The following GAK variants were observed in gnomAD, a reference collection of about 807,000 sequenced individuals.
GAK encodes cyclin G associated kinase.
GAK carries 79 observed loss-of-function variants against 143.9 expected under a neutral mutation model. That is an observed-to-expected ratio of 0.55 (90% CI 0.46 to 0.66). GAK has a LOEUF of 0.66. Among genes scored for constraint, GAK ranks in the 30% least tolerant of loss-of-function variants. The pLI, the probability that GAK is intolerant of heterozygous loss-of-function variation, is 0.00. For missense variants in GAK, 1,693 were observed against 1,779.7 expected (o/e 0.95, Z 0.88); for synonymous variants, 881 against 765.5 (o/e 1.15, Z -2.49).
At chr4:903,276 G>A (rs528242946) in intron 5 of GAK, among the ~76,000 whole-genome samples, 64 of 151,924 alleles carry the variant, frequency 4.2e-4, no homozygotes, top group Non-Finnish European at 8.8e-4. Context: ...CGCCAACCCC[G>A]GGATGCCACG....
chr4:868,131 C>T (rs1476961605), intron 20 of GAK, among the ~76,000 whole-genome samples: 3 of 144,492 alleles, frequency 2.1e-5, no homozygotes, highest in African/African-American at 5.1e-5. Flanking sequence ...CCTGAAAAGC[C>T]TCAGAGGGGC....
At chr4:892,164 CCTT>C (rs1162299131) in intron 9 of GAK, among the ~76,000 whole-genome samples, 3 of 152,196 alleles carry the variant, frequency 2.0e-5, no homozygotes, top group Non-Finnish European at 4.4e-5. Context: ...GCAGCTCTGA[CCTT>C]CTCCCCACGC....
chr4:870,788 T>A lies in GAK; in HGVS notation c.2171A>T (p.Asn724Ile), dbSNP rs750395612. ...GGGGTTCAGCCCCCTCATGCTCGAG[T>A]TCTCCCATGGTGGGGCTTCCCGGCT... ...RPSREAPPWENSSMRGLNPKI... is the reference protein window; with the variant it reads ...RPSREAPPWEISSMRGLNPKI... Residue 724 changes from asparagine (N) to isoleucine (I), a missense_variant, in exon 19 of 28, where the codon AAC becomes ATC. By Grantham distance (149) the Asn-to-Ile change is moderately radical (BLOSUM62 -3). Around this residue, in one of 2 missense-constraint regions of GAK, gnomAD observed 822 missense variants for 788.7 expected, o/e 1.04. Transcript: ENST00000314167. The A allele has an allele frequency of 1.9e-6, 3 of 1,613,962 alleles. No individual in the cohort carries two copies. In the Admixed American group the frequency reaches 5.0e-5, roughly 27 times the overall value.
chr4:880,160 C>G (rs1390608429), intron 15 of GAK, among the ~76,000 whole-genome samples: 1 of 151,526 alleles, frequency 6.6e-6, no homozygotes, highest in East Asian at 1.9e-4. Context: ...ATGTGGACCA[C>G]TGGACCATGC....
In GAK at chr4:867,301, G is replaced by A. The variant is rs370884471; in HGVS notation, c.2527C>T (p.Pro843Ser). The part of the protein sequence containing the change: ...GSPISSEGQE[P>S]RADPEPPGLA... ...CCGGGGGGCTCTGGGTCGGCCCTGG[G>A]TTCCTGGCCCTCGCTGGAGATCGGG... Residue 843 changes from proline (P) to serine (S), a missense_variant, in exon 21 of 28, where the codon CCC (proline) becomes TCC (serine). By Grantham distance (74) the Pro-to-Ser change is moderately conservative. Transcript: ENST00000314167. 6.2e-7 allele frequency: 1 copy of A among 1,612,188 alleles called. No individual in the cohort carries two copies. The highest frequency in any genetic ancestry group is 8.5e-7 in the Non-Finnish European group (1 of 1,179,056).
intron 3 of GAK, 113 bp from the exon 4 acceptor site, chr4:911,900 C>G (rs1322016162): frequency 2.1e-5 from 17 of 823,984 alleles, no homozygotes; most frequent in Non-Finnish European, 3.0e-5. Flanking sequence ...TGAATCGAAC[C>G]CTTACAATTT....
rs552490217 is a variant in GAK at position 893,342 on chromosome 4, G to C, written c.990+35C>G. ...GCTCATGTGTGCCTCCTTCACCACT[G>C]CGGGGGATTTGGGGCTCACGTGTGC... On this transcript the variant is annotated intron_variant, in intron 9 of 27. Transcript: ENST00000314167. 3.5e-4 allele frequency: 496 copies of C among 1,427,342 alleles called. 5 individuals are homozygous for C. In the South Asian group the frequency reaches 6.4e-3, roughly 18 times the overall value. The allele number at this position is 1,427,342 out of a possible 1,614,324, so 88.4% of individuals were successfully genotyped here.
chr4:852,498 G>C, intron 24 of GAK: 1 of 165,268 alleles, frequency 6.1e-6, no homozygotes. Context: ...GGAGTGCAGT[G>C]GTGTGATCTC....
chr4:900,073 G>A (rs1719566512), intron 5 of GAK, among the ~76,000 whole-genome samples: 1 of 152,404 alleles, frequency 6.6e-6, no homozygotes, highest in South Asian at 2.1e-4. Context: ...GCACACAGCG[G>A]GGAGATGCAG....
In GAK at chr4:891,838, C is replaced by T. The variant is rs1214087109; in HGVS notation, c.991-1216G>A. Among the ~76,000 whole-genome samples, 4 of 152,154 alleles carry T rather than the reference C, an allele frequency of 2.6e-5. No homozygotes were observed. In the East Asian group the frequency reaches 5.8e-4, roughly 22 times the overall value. ...GAGCAGGACGGCCCAGGAGTGATCC[C>T]TTCCTGCCGCTCTCTGACAGCCCCA... is the stretch of plus-strand genomic sequence containing the variant. On this transcript the variant is annotated intron_variant, in intron 9 of 27. Coordinates refer to ENST00000314167, the MANE Select transcript of GAK (RefSeq NM_005255.4).
At chr4:871,719 C>G (rs1271778314) in intron 18 of GAK, among the ~76,000 whole-genome samples, 1 of 151,940 alleles carries the variant, frequency 6.6e-6, no homozygotes, top group Non-Finnish European at 1.5e-5. Flanking sequence ...GGGCAGGGGT[C>G]AGCAGGGCCC....
chr4:858,059 C>A (rs1302189252), intron 24 of GAK, among the ~76,000 whole-genome samples: 1 of 152,190 alleles, frequency 6.6e-6, no homozygotes, highest in Non-Finnish European at 1.5e-5. Context: ...CGTTCTATTT[C>A]ATTGTGGTCA....
intron 5 of GAK, among the ~76,000 whole-genome samples, chr4:900,894 CGGT>C (rs1163499574): frequency 6.6e-6 from 1 of 152,062 alleles, no homozygotes; most frequent in African/African-American, 2.4e-5. Flanking sequence ...GGCTCCACAG[CGGT>C]GGCCATGGGA....
At chr4:889,202 G>A (rs1014055601) in intron 10 of GAK, among the ~76,000 whole-genome samples, 1 of 152,156 alleles carries the variant, frequency 6.6e-6, no homozygotes, top group Non-Finnish European at 1.5e-5. Flanking sequence ...CCTCAGCACT[G>A]GCAGGTCTAC....
intron 5 of GAK, among the ~76,000 whole-genome samples, chr4:904,121 G>A (rs550554018): frequency 6.6e-6 from 1 of 152,204 alleles, no homozygotes; most frequent in South Asian, 2.1e-4. Context: ...TGTGGAGGGA[G>A]CCACTACCTT....
intron 5 of GAK, among the ~76,000 whole-genome samples, chr4:903,615 A>G (rs3822022): frequency 0.3 from 42,043 of 139,956 alleles, 5,944 homozygotes; most frequent in African/African-American, 0.34. Flanking sequence ...ATGAGCAGGA[A>G]TGCGGGGCCT....
intron 18 of GAK, chr4:872,518 C>T (rs1234110880): frequency 1.3e-5 from 2 of 152,380 alleles, no homozygotes; most frequent in Admixed American, 6.5e-5. Flanking sequence ...ATCCGACGGC[C>T]ACCGCAGCGG....
chr4:864,787 G>A (rs967106671), intron 23 of GAK, among the ~76,000 whole-genome samples: 1 of 152,192 alleles, frequency 6.6e-6, no homozygotes, highest in Non-Finnish European at 1.5e-5. Flanking sequence ...GAGCCAGCAC[G>A]TGGTCCACAG....
At chr4:931,690 C>A (rs1256115603) in intron 1 of GAK, among the ~76,000 whole-genome samples, 1 of 152,098 alleles carries the variant, frequency 6.6e-6, no homozygotes, top group Non-Finnish European at 1.5e-5. Flanking sequence ...CTGCCACCAT[C>A]CCCCACCTCA....
Sources: gnomAD v4.1 joint callset for allele counts (sites outside exome capture counted in the v4.1 genomes callset) on GRCh38, gnomAD v4.1.1 for gene constraint, gnomAD v4.1.1 regional missense constraint, MANE v1.5 for transcripts, NCBI Gene and HGNC (gene_info 2026-07-23, HGNC 2026-07-21) for gene names.